VEGFC: variants seen among roughly 807,000 people sequenced by gnomAD.
VEGFC encodes FLT4 ligand DHM.
A neutral mutation model predicts 46.1 loss-of-function variants in VEGFC; 12 were observed. The observed-to-expected ratio is 0.26, with a 90% CI of 0.17 to 0.42. The LOEUF (loss-of-function observed/expected upper bound fraction) is 0.42. VEGFC is among the 10% of genes least tolerant of loss of function. The pLI, the probability that VEGFC is intolerant of heterozygous loss-of-function variation, is 1.00. For synonymous variants in VEGFC, 232 were observed against 195.5 expected (o/e 1.19, Z -1.56); for missense variants, 488 against 529.4 (o/e 0.92, Z 0.77).
intron 1 of VEGFC, among the ~76,000 whole-genome samples, chr4:176,773,821 T>C (rs1385932678): frequency 6.6e-6 from 1 of 152,136 alleles, no homozygotes; most frequent in Admixed American, 6.5e-5. Context: ...TACTTGGGTA[T>C]ATGCCACCAT....
intron 3 of VEGFC, among the ~76,000 whole-genome samples, chr4:176,724,979 G>C (rs1734849207): frequency 6.6e-6 from 1 of 152,092 alleles, no homozygotes; most frequent in Non-Finnish European, 1.5e-5. Context: ...TAAATAGAAG[G>C]AGTAAGTTTT....
chr4:176,685,652 G>C (rs756933493), intron 6 of VEGFC, among the ~76,000 whole-genome samples: 3 of 151,908 alleles, frequency 2.0e-5, no homozygotes, highest in Non-Finnish European at 2.9e-5. Flanking sequence ...ATAAAACATA[G>C]TTTAATAAGG....
intron 1 of VEGFC, among the ~76,000 whole-genome samples, chr4:176,740,971 T>G (rs1735161994): frequency 6.6e-6 from 1 of 152,008 alleles, no homozygotes; most frequent in African/African-American, 2.4e-5. Flanking sequence ...TTTCTGGATT[T>G]GAAAGTTAAA....
At chr4:176,782,555 T>C (rs1156258707) in intron 1 of VEGFC, among the ~76,000 whole-genome samples, 1 of 151,948 alleles carries the variant, frequency 6.6e-6, no homozygotes, top group African/African-American at 2.4e-5. Flanking sequence ...GAAAATCACA[T>C]TAAAATGTTA....
chr4:176,722,102 T>C (rs1025289590), intron 3 of VEGFC, among the ~76,000 whole-genome samples: 3 of 152,198 alleles, frequency 2.0e-5, no homozygotes, highest in Non-Finnish European at 4.4e-5. Context: ...ATTGTGATTA[T>C]TGTAAATATA....
intron 1 of VEGFC, among the ~76,000 whole-genome samples, chr4:176,755,709 AATC>A (rs1186750667): frequency 6.6e-6 from 1 of 152,022 alleles, no homozygotes; most frequent in Non-Finnish European, 1.5e-5. Context: ...ATACATCCAT[AATC>A]CTACTGATAC....
intron 1 of VEGFC, among the ~76,000 whole-genome samples, chr4:176,751,936 T>C (rs947904337): frequency 2.6e-5 from 4 of 151,788 alleles, no homozygotes; most frequent in African/African-American, 7.3e-5. Context: ...TTTAGGTCTC[T>C]GTCCTCCTCT....
intron 1 of VEGFC, among the ~76,000 whole-genome samples, chr4:176,752,020 A>G (rs1735350749): frequency 6.6e-6 from 1 of 152,026 alleles, no homozygotes; most frequent in Non-Finnish European, 1.5e-5. Context: ...TTTATAAAAT[A>G]TAAGATTAAA....
In VEGFC at chr4:176,729,753, A is replaced by G. The variant is rs778894805; in HGVS notation, c.148-7T>C. The G allele has an allele frequency of 7.0e-5, 109 of 1,563,180 alleles. No individual in the cohort carries two copies. Among genetic ancestry groups the G allele is most frequent in the Non-Finnish European group, 9.0e-5 (104 of 1,156,008 alleles). ...GATCTTTGCTTGCATAAGCCTGTCAAAGAAAAATGCAAGATCAATGACTTA... is the reference window on the plus strand; with the variant it reads ...GATCTTTGCTTGCATAAGCCTGTCAGAGAAAAATGCAAGATCAATGACTTA... On this transcript the variant is annotated splice_region_variant and splice_polypyrimidine_tract_variant and intron_variant, in intron 1 of 6. Coordinates refer to ENST00000618562, the MANE Select transcript of VEGFC (RefSeq NM_005429.5).
At chr4:176,741,654 T>C (rs1254608669) in intron 1 of VEGFC, among the ~76,000 whole-genome samples, 2 of 151,942 alleles carry the variant, frequency 1.3e-5, no homozygotes, top group African/African-American at 4.8e-5. Context: ...TACATGTATA[T>C]TGCAAATTGA....
chr4:176,716,293 A>G (rs1485804329), intron 3 of VEGFC, among the ~76,000 whole-genome samples: 2 of 151,988 alleles, frequency 1.3e-5, no homozygotes, highest in Non-Finnish European at 2.9e-5. Context: ...CCTAACAATG[A>G]GGGCGGGGCA....
intron 3 of VEGFC, among the ~76,000 whole-genome samples, chr4:176,725,731 C>A (rs1161491301): frequency 1.3e-5 from 2 of 151,944 alleles, no homozygotes; most frequent in Non-Finnish European, 2.9e-5. Flanking sequence ...ATTTCAATTC[C>A]TAAATCATCC....
chr4:176,727,679 G>C (rs2111016120), intron 3 of VEGFC, 99 bp downstream of exon 3: 1 of 1,283,678 alleles, frequency 7.8e-7, no homozygotes. Context: ...GTTGAACCAA[G>C]TTAGTTTAAA....
At chr4:176,783,985 A>G (rs1274058753) in intron 1 of VEGFC, among the ~76,000 whole-genome samples, 2 of 151,190 alleles carry the variant, frequency 1.3e-5, no homozygotes, top group African/African-American at 4.9e-5. Flanking sequence ...CATGAAGACT[A>G]TCTATTTAAC....
chr4:176,787,224 G>A (rs1186519974), intron 1 of VEGFC, among the ~76,000 whole-genome samples: 2 of 152,058 alleles, frequency 1.3e-5, no homozygotes, highest in Admixed American at 6.6e-5. Context: ...CACTTTAGGA[G>A]ATCAAGTGGA....
intron 1 of VEGFC, among the ~76,000 whole-genome samples, chr4:176,733,634 A>G (rs1351300318): frequency 6.6e-6 from 1 of 151,782 alleles, no homozygotes; most frequent in Non-Finnish European, 1.5e-5. Context: ...GTCACCAGGG[A>G]ATATGTTTGG....
At chr4:176,716,518 AGT>A (rs1393131245) in intron 3 of VEGFC, among the ~76,000 whole-genome samples, 1 of 142,876 alleles carries the variant, frequency 7.0e-6, no homozygotes, top group African/African-American at 2.6e-5. Context: ...CAGAGGTTGC[AGT>A]GAGCCCAGAT....
At chr4:176,784,137 T>A (rs531059657) in intron 1 of VEGFC, among the ~76,000 whole-genome samples, 1 of 149,444 alleles carries the variant, frequency 6.7e-6, no homozygotes, top group African/African-American at 2.5e-5. Flanking sequence ...TGATCTCAGC[T>A]CACTCACTGC....
chr4:176,780,387 A>AAAAAAAAACAAAAAC (rs1553997804), intron 1 of VEGFC, among the ~76,000 whole-genome samples: 6 of 114,782 alleles, frequency 5.2e-5, no homozygotes, highest in South Asian at 6.0e-4. Flanking sequence ...ATCTCAAAAA[A>AAAAAAAAACAAAAAC]AAAAAAAAAA....
Sources: gnomAD v4.1 joint callset for allele counts (sites outside exome capture counted in the v4.1 genomes callset) on GRCh38, gnomAD v4.1.1 for gene constraint, MANE v1.5 for transcripts, NCBI Gene and HGNC (gene_info 2026-07-23, HGNC 2026-07-21) for gene names.